Variants in RBFOX1 observed in about 807,000 individuals in gnomAD.
RBFOX1 encodes the protein RNA binding protein fox-1 homolog 1.
RBFOX1 carries 8 observed loss-of-function variants against 57.7 expected under a neutral mutation model. The ratio of observed to expected loss-of-function variants is 0.14; its 90% CI spans 0.08 to 0.25. The LOEUF is 0.25. RBFOX1 is among the 10% of genes least tolerant of loss of function. The probability of loss-of-function intolerance (pLI) is 1.00; values close to 1 mark genes in which losing one functional copy is unlikely to be tolerated. For synonymous variants in RBFOX1, 326 were observed against 222.4 expected, an observed-to-expected ratio of 1.47 and a Z score of -4.15; for missense variants, 611 against 548.5, an observed-to-expected ratio of 1.11 and a Z score of -1.14.
chr16:5,368,628 C>G (rs1458901096), intron 1 of RBFOX1, among the ~76,000 whole-genome samples: 2 of 152,140 alleles, frequency 1.3e-5, no homozygotes, highest in African/African-American at 4.8e-5. Context: ...CCGTTATGCA[C>G]ATTTCTGAGC....
At chr16:6,908,745 A>C (rs1326443126) in intron 3 of RBFOX1, among the ~76,000 whole-genome samples, 35 of 152,102 alleles carry the variant, frequency 2.3e-4, no homozygotes, top group Admixed American at 2.3e-3. Flanking sequence ...TGTTCACCTC[A>C]TTGACTCACT....
At chr16:6,508,381 TG>T (rs2096166128) in intron 2 of RBFOX1, among the ~76,000 whole-genome samples, 1 of 152,062 alleles carries the variant, frequency 6.6e-6, no homozygotes, top group African/African-American at 2.4e-5. Flanking sequence ...AAAAATATAA[TG>T]TAAGTAGACT....
chr16:7,629,733 T>G (rs536975968), intron 10 of RBFOX1, among the ~76,000 whole-genome samples: 4 of 152,302 alleles, frequency 2.6e-5, no homozygotes, highest in African/African-American at 9.6e-5. Flanking sequence ...ATTCCACCAT[T>G]ATTTGCCGCT....
At chr16:6,705,087 C>G (rs1381114589) in intron 3 of RBFOX1, 1 of 152,094 alleles carries the variant, frequency 6.6e-6, no homozygotes, top group Non-Finnish European at 1.5e-5. Context: ...AGTAATGAGG[C>G]AGCACCAGGA....
intron 1 of RBFOX1, among the ~76,000 whole-genome samples, chr16:6,157,179 A>G (rs899188115): frequency 5.9e-5 from 9 of 152,144 alleles, no homozygotes; most frequent in African/African-American, 2.2e-4. Context: ...ATTTATTTTT[A>G]TGATTTGATT....
chr16:6,251,817 C>T (rs1281413450), intron 1 of RBFOX1, among the ~76,000 whole-genome samples: 1 of 152,094 alleles, frequency 6.6e-6, no homozygotes, highest in Non-Finnish European at 1.5e-5. Context: ...AGCCCTGCCT[C>T]TCCTTGCCAG....
chr16:6,685,814 T>C (rs1241589084), intron 3 of RBFOX1, among the ~76,000 whole-genome samples: 3 of 152,180 alleles, frequency 2.0e-5, no homozygotes, highest in African/African-American at 7.2e-5. Context: ...CAATGTTGTT[T>C]TCATTATGTC....
intron 1 of RBFOX1, among the ~76,000 whole-genome samples, chr16:5,250,990 C>T (rs1381249477): frequency 6.6e-6 from 1 of 152,168 alleles, no homozygotes; most frequent in Non-Finnish European, 1.5e-5. Context: ...ATGGTACTGT[C>T]CTCTGTAGAC....
At chr16:7,354,201 C>T (rs139752385) in intron 4 of RBFOX1, among the ~76,000 whole-genome samples, 2,028 of 152,212 alleles carry the variant, frequency 0.013, 43 homozygotes, top group African/African-American at 0.045. Context: ...AAACTCCTGA[C>T]GTCAGGTGAT....
chr16:6,751,842 A>G (rs866975397), intron 3 of RBFOX1, among the ~76,000 whole-genome samples: 1 of 152,186 alleles, frequency 6.6e-6, no homozygotes, highest in Non-Finnish European at 1.5e-5. Context: ...CTGACCAGCT[A>G]CAATCTTGGA....
chr16:6,823,097 G>A (rs959129214), intron 3 of RBFOX1, among the ~76,000 whole-genome samples: 12 of 152,228 alleles, frequency 7.9e-5, no homozygotes, highest in African/African-American at 2.6e-4. Flanking sequence ...GGGAGACTGA[G>A]CATCAGAGGG....
At chr16:7,450,954 C>T (rs1467265818) in intron 4 of RBFOX1, among the ~76,000 whole-genome samples, 4 of 152,166 alleles carry the variant, frequency 2.6e-5, no homozygotes, top group Admixed American at 1.3e-4. Context: ...GAGGCCTCTG[C>T]ACATGAAACA....
intron 3 of RBFOX1, among the ~76,000 whole-genome samples, chr16:6,966,008 G>A (rs1165701225): frequency 5.9e-5 from 9 of 152,204 alleles, no homozygotes; most frequent in East Asian, 1.9e-4. Flanking sequence ...AAAATGGAGC[G>A]TATCATAGAA....
intron 3 of RBFOX1, among the ~76,000 whole-genome samples, chr16:7,003,226 C>T (rs138629804): frequency 0.012 from 1,752 of 151,964 alleles, 14 homozygotes; most frequent in Non-Finnish European, 0.018. Context: ...TTTGGGAGGC[C>T]GAGGTGGGTG....
Position 6,900,571 on chromosome 16 carries a change from C to T in RBFOX1, c.-15-151486C>T, listed in dbSNP as rs374208389. Among the ~76,000 whole-genome samples, 93 of 152,276 alleles carry T rather than the reference C, an allele frequency of 6.1e-4. No individual in the cohort carries two copies. The South Asian group carries it at 0.018, about 30-fold the overall frequency. On this transcript the variant is annotated intron_variant, in intron 3 of 15. Coordinates refer to ENST00000550418, the MANE Select transcript of RBFOX1 (RefSeq NM_018723.4). Reference sequence around the variant, plus strand: ...CTCCCCTTACTCATTATTTCAGAGCCTTTTTAGTCTTTTCCAGTTTTAGCA... The same window carrying T: ...CTCCCCTTACTCATTATTTCAGAGCTTTTTTAGTCTTTTCCAGTTTTAGCA...
At position 7,638,449 on chromosome 16, in the gene RBFOX1, A is replaced by G. The variant is rs17686403; in HGVS notation, c.757+7766A>G. 1.6e-3 allele frequency among the ~76,000 whole-genome samples: 236 copies of G among 152,100 alleles called. 1 individual carries two copies. In the Middle Eastern group the frequency reaches 0.024, roughly 15 times the overall value. On this transcript the variant is annotated intron_variant, in intron 11 of 15. Transcript: ENST00000550418. ...ACCCCAGAGGCTGGAAACAGGATGGACTCCAAGAAATGGCTGAGCAGGGAG... is the reference window on the plus strand; with the variant it reads ...ACCCCAGAGGCTGGAAACAGGATGGGCTCCAAGAAATGGCTGAGCAGGGAG...
At chr16:7,519,279 G>A (rs2077029957) in intron 5 of RBFOX1, among the ~76,000 whole-genome samples, 2 of 152,062 alleles carry the variant, frequency 1.3e-5, no homozygotes, top group South Asian at 4.1e-4. Flanking sequence ...ATTCATCCAG[G>A]TTGCGGTGTT....
intron 1 of RBFOX1, among the ~76,000 whole-genome samples, chr16:6,214,547 AG>A (rs2152860162): frequency 1.1e-5 from 1 of 89,976 alleles, no homozygotes; most frequent in African/African-American, 4.5e-5. Context: ...AGAAGGAGAC[AG>A]GGAGAGGGGG....
At chr16:6,528,732 C>G (rs1251487236) in intron 2 of RBFOX1, among the ~76,000 whole-genome samples, 5 of 152,142 alleles carry the variant, frequency 3.3e-5, no homozygotes, top group African/African-American at 4.8e-5. Flanking sequence ...CCAGATACTT[C>G]TTGGTTCAGG....
Sources: allele counts gnomAD v4.1 joint callset (sites outside exome capture counted in the v4.1 genomes callset), GRCh38; gene constraint gnomAD v4.1.1; transcripts MANE v1.5; gene names NCBI Gene and HGNC (gene_info 2026-07-23, HGNC 2026-07-21).